Variants in FBXL7 observed in about 807,000 individuals in gnomAD.
The protein encoded by FBXL7 is F-box and leucine rich repeat protein 7.
FBXL7 carries 12 observed loss-of-function variants against 38.3 expected under a neutral mutation model. The ratio of observed to expected loss-of-function variants is 0.31; its 90% confidence interval spans 0.20 to 0.51. The LOEUF (loss-of-function observed/expected upper bound fraction) is 0.51, where lower values mean the gene tolerates loss of function less well. Ranked by LOEUF, FBXL7 falls within the 20% of genes least tolerant of loss-of-function variation. The pLI is 0.98. For synonymous variants in FBXL7, 297 were observed against 300.9 expected (o/e 0.99, Z 0.13); for missense variants, 567 against 676.4 (o/e 0.84, Z 1.79).
intron 2 of FBXL7, among the ~76,000 whole-genome samples, chr5:15,693,515 G>A (rs1220269742): frequency 6.6e-6 from 1 of 152,084 alleles, no homozygotes; most frequent in Non-Finnish European, 1.5e-5. Flanking sequence ...CTCTGGCAAG[G>A]GCTCCACCCT....
intron 2 of FBXL7, among the ~76,000 whole-genome samples, chr5:15,654,771 T>C (rs1369777501): frequency 6.6e-6 from 1 of 152,198 alleles, no homozygotes; most frequent in African/African-American, 2.4e-5. Context: ...ATTGGATAAA[T>C]TTTGGATGAG....
chr5:15,586,444 T>G (rs954632189), intron 1 of FBXL7, among the ~76,000 whole-genome samples: 2 of 151,828 alleles, frequency 1.3e-5, no homozygotes, highest in African/African-American at 4.8e-5. Flanking sequence ...TGGGTTGGAA[T>G]GGAAACATAT....
chr5:15,937,389 A>G lies in FBXL7; in HGVS notation c.*203A>G. ...GAAGCAAGACAAACAGCAAACAGGCATTTTGGTCAGGTCATTTGTAGGCAG... is the reference window on the plus strand; with the variant it reads ...GAAGCAAGACAAACAGCAAACAGGCGTTTTGGTCAGGTCATTTGTAGGCAG... On this transcript the variant is annotated 3_prime_UTR_variant, in exon 4 of 4. Coordinates refer to ENST00000504595, the MANE Select transcript of FBXL7 (RefSeq NM_012304.5). The G allele has an allele frequency of 1.6e-6, 1 of 638,766 alleles. No individual in the cohort carries two copies. Among genetic ancestry groups the G allele is most frequent in the Non-Finnish European group, 2.6e-6 (1 of 382,576 alleles). The allele number at this position is 638,766 out of a possible 1,614,324, so 39.6% of individuals were successfully genotyped here.
At chr5:15,631,469 G>A (rs1740994156) in intron 2 of FBXL7, among the ~76,000 whole-genome samples, 1 of 152,004 alleles carries the variant, frequency 6.6e-6, no homozygotes. Context: ...GCTGAGGCTG[G>A]TGGATCACCT....
intron 1 of FBXL7, among the ~76,000 whole-genome samples, chr5:15,534,882 C>G (rs989899039): frequency 9.2e-5 from 14 of 152,172 alleles, no homozygotes; most frequent in African/African-American, 3.1e-4. Flanking sequence ...TATGGTTTGG[C>G]TCTGTGTCCC....
intron 2 of FBXL7, among the ~76,000 whole-genome samples, chr5:15,907,552 T>G (rs1741386664): frequency 2.5e-4 from 1 of 4,040 alleles, no homozygotes; most frequent in Non-Finnish European, 4.6e-4. Flanking sequence ...TTGTCTTTTG[T>G]TGCCATTGCT....
At chr5:15,791,202 T>C (rs573837479) in intron 2 of FBXL7, among the ~76,000 whole-genome samples, 1 of 152,286 alleles carries the variant, frequency 6.6e-6, no homozygotes, top group African/African-American at 2.4e-5. Flanking sequence ...AGTGTCAAGC[T>C]CTTACTTAGT....
intron 2 of FBXL7, among the ~76,000 whole-genome samples, chr5:15,832,608 A>C (rs1738486901): frequency 6.6e-6 from 1 of 152,204 alleles, no homozygotes; most frequent in Non-Finnish European, 1.5e-5. Flanking sequence ...CAGTAGAAGA[A>C]GGAAAGCTGA....
At chr5:15,813,210 A>G (rs924005940) in intron 2 of FBXL7, among the ~76,000 whole-genome samples, 2 of 152,052 alleles carry the variant, frequency 1.3e-5, no homozygotes, top group Non-Finnish European at 2.9e-5. Flanking sequence ...CTTGCGTTGT[A>G]CTGGTACCAA....
At chr5:15,892,272 G>A (rs1740934985) in intron 2 of FBXL7, among the ~76,000 whole-genome samples, 1 of 152,230 alleles carries the variant, frequency 6.6e-6, no homozygotes. Flanking sequence ...GCAAGAGGAA[G>A]GCATGTAGAA....
At chr5:15,563,593 C>T (rs1002288161) in intron 1 of FBXL7, among the ~76,000 whole-genome samples, 5 of 152,042 alleles carry the variant, frequency 3.3e-5, no homozygotes, top group Admixed American at 3.3e-4. Context: ...TAGAGGATGT[C>T]ATCCCTCCTT....
At chr5:15,590,394 A>G (rs138775195) in intron 1 of FBXL7, among the ~76,000 whole-genome samples, 56 of 152,076 alleles carry the variant, frequency 3.7e-4, no homozygotes, top group African/African-American at 1.3e-3. Flanking sequence ...GCTTTCTGCA[A>G]TCTGATATGC....
chr5:15,607,546 C>T (rs1561048934), intron 1 of FBXL7, among the ~76,000 whole-genome samples: 1 of 152,074 alleles, frequency 6.6e-6, no homozygotes, highest in Non-Finnish European at 1.5e-5. Flanking sequence ...TATGGGAATT[C>T]TTAAATTAAA....
chr5:15,793,100 C>A lies in FBXL7; in HGVS notation c.128-134790C>A, dbSNP rs77018955. ...GAGCTGCAGTGCCTTCTGCAGCTGG[C>A]AGATGGAGGAGCCTTCCCCTGGTGC... On this transcript the variant is annotated intron_variant, in intron 2 of 3. Transcript: ENST00000504595. Among the ~76,000 whole-genome samples the A allele has an allele frequency of 7.1e-3, 1,074 of 152,252 alleles. 8 individuals carry two copies. Among genetic ancestry groups the A allele is most frequent in the African/African-American group, 0.024 (1,014 of 41,540 alleles).
At chr5:15,896,899 T>C (rs929308066) in intron 2 of FBXL7, among the ~76,000 whole-genome samples, 1 of 152,078 alleles carries the variant, frequency 6.6e-6, no homozygotes, top group African/African-American at 2.4e-5. Flanking sequence ...TTTGGGAGGC[T>C]GAGGTGGGCA....
chr5:15,788,448 G>A (rs555780951), intron 2 of FBXL7, among the ~76,000 whole-genome samples: 11 of 152,192 alleles, frequency 7.2e-5, no homozygotes, highest in Admixed American at 5.2e-4. Context: ...AGAAAACAAC[G>A]GAAGAAAAGG....
At chr5:15,515,682 G>GTT (rs778957720) in intron 1 of FBXL7, among the ~76,000 whole-genome samples, 1 of 152,136 alleles carries the variant, frequency 6.6e-6, no homozygotes, top group Non-Finnish European at 1.5e-5. Flanking sequence ...CGTGTTACTG[G>GTT]TTATTAAGAG....
At chr5:15,539,524 A>G (rs559444335) in intron 1 of FBXL7, among the ~76,000 whole-genome samples, 14 of 152,026 alleles carry the variant, frequency 9.2e-5, no homozygotes, top group Non-Finnish European at 1.6e-4. Flanking sequence ...AGCTTGTTTT[A>G]TCTTCCGTAG....
At chr5:15,532,788 A>ATCAGCGCCATGAATCCTGTG (rs1392651118) in intron 1 of FBXL7, among the ~76,000 whole-genome samples, 20 of 152,236 alleles carry the variant, frequency 1.3e-4, no homozygotes, top group African/African-American at 4.8e-4. Context: ...CTGATTTCAC[A>ATCAGCGCCATGAATCCTGTG]TCAGCGCCAT....
Sources: allele counts gnomAD v4.1 joint callset (sites outside exome capture counted in the v4.1 genomes callset), GRCh38; gene constraint gnomAD v4.1.1; transcripts MANE v1.5; gene names NCBI Gene and HGNC (gene_info 2026-07-23, HGNC 2026-07-21).